The following SPIRE1 variants were observed in gnomAD, a reference collection of about 807,000 sequenced individuals.
The protein encoded by SPIRE1 is protein spire homolog 1.
In SPIRE1, 40 loss-of-function variants were observed where a neutral mutation model predicts 94.1. That is an observed-to-expected ratio of 0.43 (90% CI 0.33 to 0.55). SPIRE1 has a LOEUF of 0.55. Ranked by LOEUF, SPIRE1 falls within the 20% of genes least tolerant of loss-of-function variation. The pLI, the probability that SPIRE1 is intolerant of heterozygous loss-of-function variation, is 0.06. For synonymous variants in SPIRE1, 376 were observed against 371.7 expected (o/e 1.01, Z -0.13); for missense variants, 838 against 975.2 (o/e 0.86, Z 1.87).
At position 12,535,611 on chromosome 18, in the gene SPIRE1, G is replaced by T; in HGVS notation, c.604-10C>A. Reference sequence around the variant, plus strand: ...GATGAGCAGCACACAACTATAGAAGGGGAAAATAAAATAATGGTGCTTGGT... The same window carrying T: ...GATGAGCAGCACACAACTATAGAAGTGGAAAATAAAATAATGGTGCTTGGT... On this transcript the variant is annotated splice_polypyrimidine_tract_variant and intron_variant, in intron 3 of 16. Coordinates refer to ENST00000409402, the MANE Select transcript of SPIRE1 (RefSeq NM_001128626.2). 1 of 1,602,912 alleles carries T rather than the reference G, an allele frequency of 6.2e-7. No individual in the cohort carries two copies. The highest frequency in any genetic ancestry group is 8.5e-7 in the Non-Finnish European group (1 of 1,174,054).
In SPIRE1 at chr18:12,478,389, C is replaced by T. The variant is rs28557018; in HGVS notation, c.1404+1310G>A. Among the ~76,000 whole-genome samples the T allele has an allele frequency of 3.9e-3, 381 of 98,518 alleles. 5 individuals carry two copies. The highest frequency in any genetic ancestry group is 0.015 in the African/African-American group (362 of 24,932). The allele number at this position is 98,518 out of a possible 152,430, so 64.6% of individuals were successfully genotyped here. A position where few individuals can be genotyped will look rare whatever the true frequency, so the allele number is the denominator to read the frequency against. ...TGTATGAAGCTAGAGTGTGTGTGTGCGCATGTGCGCGTGTAGCTAGGGTGT... is the reference window on the plus strand; with the variant it reads ...TGTATGAAGCTAGAGTGTGTGTGTGTGCATGTGCGCGTGTAGCTAGGGTGT... On this transcript the variant is annotated intron_variant, in intron 10 of 16. Coordinates refer to ENST00000409402, the MANE Select transcript of SPIRE1 (RefSeq NM_001128626.2).
At chr18:12,532,399 A>G (rs1417717609) in intron 4 of SPIRE1, among the ~76,000 whole-genome samples, 1 of 152,244 alleles carries the variant, frequency 6.6e-6, no homozygotes, top group East Asian at 1.9e-4. Context: ...GGACTATCAA[A>G]TCAGACACAT....
chr18:12,582,454 A>G (rs1036279405), intron 2 of SPIRE1, among the ~76,000 whole-genome samples: 14 of 152,170 alleles, frequency 9.2e-5, no homozygotes, highest in African/African-American at 3.1e-4. Flanking sequence ...ATGTTTCCCT[A>G]CTTTAGGGGA....
At chr18:12,588,289 A>C (rs1433129475) in intron 2 of SPIRE1, 2 of 152,550 alleles carry the variant, frequency 1.3e-5, no homozygotes, top group Non-Finnish European at 2.9e-5. Flanking sequence ...GGTTAAAAAA[A>C]CTGCATTAGA....
chr18:12,597,996 C>T (rs1298969505), intron 2 of SPIRE1, among the ~76,000 whole-genome samples: 2 of 152,128 alleles, frequency 1.3e-5, no homozygotes, highest in South Asian at 2.1e-4. Context: ...TGTGCAGAGG[C>T]GGCAGAGTTC....
intron 5 of SPIRE1, among the ~76,000 whole-genome samples, chr18:12,510,204 G>T (rs1046701226): frequency 6.6e-6 from 1 of 152,060 alleles, no homozygotes; most frequent in Admixed American, 6.6e-5. Context: ...CTAGAAACTG[G>T]GGAGGAGGGA....
rs1370712257 is a variant in SPIRE1, at chr18:12,490,074, C to T, written c.1189+2998G>A. Among the ~76,000 whole-genome samples the T allele has an allele frequency of 3.3e-5, 5 of 152,174 alleles. No individual in the cohort carries two copies. In the East Asian group the frequency reaches 9.7e-4, roughly 29 times the overall value. On this transcript the variant is annotated intron_variant, in intron 8 of 16. Transcript: ENST00000409402. ...TTCTGTAGAAAAAATGACCAAAATC[C>T]CTTACTTTACAATTAGGGTTTAATA...
At position 12,570,306 on chromosome 18, in the gene SPIRE1, G is replaced by A. The variant is rs551223526; in HGVS notation, c.373-23402C>T. Among the ~76,000 whole-genome samples, 4 of 152,312 alleles carry A rather than the reference G, an allele frequency of 2.6e-5. No individual in the cohort carries two copies. The South Asian group carries it at 8.3e-4, about 32-fold the overall frequency. ...TAACATGTGTAAATAGCAATAGATA[G>A]CGTAAGTCTTAAATGTCAAATCTGC... On this transcript the variant is annotated intron_variant, in intron 2 of 16. Transcript: ENST00000409402.
chr18:12,603,432 T>C (rs888734003), intron 2 of SPIRE1, among the ~76,000 whole-genome samples: 1 of 152,098 alleles, frequency 6.6e-6, no homozygotes, highest in African/African-American at 2.4e-5. Flanking sequence ...ATATTAATGA[T>C]TGAAGGCTGG....
chr18:12,547,802 C>T (rs895618114), intron 2 of SPIRE1, among the ~76,000 whole-genome samples: 1 of 152,102 alleles, frequency 6.6e-6, no homozygotes, highest in African/African-American at 2.4e-5. Flanking sequence ...ATGAGCTGGG[C>T]GTGGTGGCGT....
intron 2 of SPIRE1, among the ~76,000 whole-genome samples, chr18:12,611,778 C>T (rs529528649): frequency 6.6e-6 from 1 of 152,250 alleles, no homozygotes; most frequent in East Asian, 1.9e-4. Context: ...TCGTTCCTGC[C>T]TCAGCCCCTG....
intron 6 of SPIRE1, among the ~76,000 whole-genome samples, chr18:12,498,616 T>C (rs2033547039): frequency 6.6e-6 from 1 of 152,072 alleles, no homozygotes; most frequent in African/African-American, 2.4e-5. Context: ...CTGTACTCAA[T>C]CTTGTTTCTG....
At chr18:12,619,631 A>T (rs1184089705) in intron 2 of SPIRE1, among the ~76,000 whole-genome samples, 2 of 151,934 alleles carry the variant, frequency 1.3e-5, no homozygotes, top group African/African-American at 2.4e-5. Context: ...GGTGATCAGG[A>T]GGTCAGGAGT....
At chr18:12,464,844 G>T in intron 11 of SPIRE1, 24 bp downstream of exon 11, 1 of 1,597,176 alleles carries the variant, frequency 6.3e-7, no homozygotes, top group Non-Finnish European at 8.6e-7. Flanking sequence ...TCCGACTACA[G>T]CTCTTAGCAC....
At chr18:12,484,169 T>C (rs1448520610) in intron 9 of SPIRE1, among the ~76,000 whole-genome samples, 2 of 152,182 alleles carry the variant, frequency 1.3e-5, no homozygotes, top group Admixed American at 1.3e-4. Flanking sequence ...CAATGGTCAA[T>C]GTGTTTAGGC....
At chr18:12,605,263 A>C (rs1245206336) in intron 2 of SPIRE1, among the ~76,000 whole-genome samples, 1 of 151,868 alleles carries the variant, frequency 6.6e-6, no homozygotes, top group African/African-American at 2.4e-5. Flanking sequence ...TCACGCCTGT[A>C]ATCCCAGCAC....
rs147805118 is a variant in SPIRE1 at position 12,479,789 on chromosome 18, G to C, written c.1314C>G (p.Asn438Lys). ...NGGLTSQTKE[N>K]GLSTSQQVPA... Reference sequence around the variant, plus strand: ...GCACCTGCTGTGAGGTACTTAACCCGTTTTCTTTTGTTTGTGATGTCAAAC... The same window carrying C: ...GCACCTGCTGTGAGGTACTTAACCCCTTTTCTTTTGTTTGTGATGTCAAAC... Residue 438 changes from asparagine (N) to lysine (K), a missense_variant, in exon 10 of 17, where the codon AAC becomes AAG. By Grantham distance (94) the Asn-to-Lys change is moderately conservative. Coordinates refer to ENST00000409402, the MANE Select transcript of SPIRE1 (RefSeq NM_001128626.2). The C allele has an allele frequency of 1.5e-5, 25 of 1,613,914 alleles. No individual in the cohort carries two copies. The highest frequency in any genetic ancestry group is 1.8e-5 in the Non-Finnish European group (21 of 1,179,978).
intron 10 of SPIRE1, 80 bp from the exon 11 acceptor site, chr18:12,465,038 C>T: frequency 8.0e-7 from 1 of 1,253,568 alleles, no homozygotes; most frequent in South Asian, 1.4e-5. Context: ...TATTATTAAA[C>T]AGTTATTTTA....
chr18:12,633,215 T>C (rs1224207903), intron 2 of SPIRE1, among the ~76,000 whole-genome samples: 2 of 152,180 alleles, frequency 1.3e-5, no homozygotes, highest in African/African-American at 4.8e-5. Context: ...TTGAATAGTA[T>C]ATCAAAAATT....
Sources: allele counts gnomAD v4.1 joint callset (sites outside exome capture counted in the v4.1 genomes callset), GRCh38; gene constraint gnomAD v4.1.1; transcripts MANE v1.5; gene names NCBI Gene and HGNC (gene_info 2026-07-23, HGNC 2026-07-21).